The following SLC49A4 variants were observed in gnomAD, a reference collection of about 807,000 sequenced individuals.
SLC49A4 encodes solute carrier family 49 member 4.
In SLC49A4, 36 loss-of-function variants were observed where a neutral mutation model predicts 50.6. That is an observed-to-expected ratio of 0.71 (90% CI 0.55 to 0.94). SLC49A4 has a LOEUF of 0.94. Among genes scored for constraint, SLC49A4 ranks in the 40% least tolerant of loss-of-function variants. The pLI, the probability that SLC49A4 is intolerant of heterozygous loss-of-function variation, is 0.00. For synonymous variants in SLC49A4, 248 were observed against 241.2 expected (o/e 1.03, Z -0.26); for missense variants, 503 against 605.7 (o/e 0.83, Z 1.78).
At chr3:122,810,706 A>G (rs549909020) in intron 2 of SLC49A4, among the ~76,000 whole-genome samples, 72 of 152,374 alleles carry the variant, frequency 4.7e-4, no homozygotes, top group African/African-American at 1.6e-3. Flanking sequence ...TAATATTAAC[A>G]ATACTTAATG....
intron 5 of SLC49A4, among the ~76,000 whole-genome samples, chr3:122,850,502 TTTGAG>T: frequency 6.7e-6 from 1 of 148,300 alleles, no homozygotes; most frequent in South Asian, 2.2e-4. Flanking sequence ...TTTAATCCAT[TTTGAG>T]TTGATTTTTT....
rs1936680521 is a variant in SLC49A4, at chr3:122,836,091, G to C, written c.833+2645G>C. ...CAATAACTACAAAACACTGCTGAAA[G>C]AAATCATAGATGCCCATTCAGTGTG... is the stretch of plus-strand genomic sequence containing the variant. On this transcript the variant is annotated intron_variant, in intron 4 of 8. Transcript: ENST00000261038. 4.6e-5 allele frequency among the ~76,000 whole-genome samples: 7 copies of C among 152,202 alleles called. No homozygotes were observed. In the South Asian group the frequency reaches 1.5e-3, roughly 32 times the overall value.
rs558908137 is a variant in SLC49A4, at chr3:122,865,287, A to G, written c.1138+5085A>G. On this transcript the variant is annotated intron_variant, in intron 7 of 8. Coordinates refer to ENST00000261038, the MANE Select transcript of SLC49A4 (RefSeq NM_032839.3). ...TCCATGGAGATTTTCAAGAAGAGAA[A>G]TAAGTCTTGCAGCAGATTCTGTGTT... 1.5e-4 allele frequency among the ~76,000 whole-genome samples: 23 copies of G among 152,340 alleles called. No homozygotes were observed. The East Asian group carries it at 3.1e-3, about 20-fold the overall frequency.
intron 7 of SLC49A4, among the ~76,000 whole-genome samples, chr3:122,861,321 G>T (rs1937056025): frequency 6.6e-6 from 1 of 152,138 alleles, no homozygotes; most frequent in Admixed American, 6.5e-5. Context: ...AAATTACTAT[G>T]ACAGATTATT....
At chr3:122,865,336 A>G (rs1288939638) in intron 7 of SLC49A4, among the ~76,000 whole-genome samples, 1 of 152,238 alleles carries the variant, frequency 6.6e-6, no homozygotes, top group African/African-American at 2.4e-5. Context: ...GGGCTTGACT[A>G]GGTATCAGTG....
intron 2 of SLC49A4, among the ~76,000 whole-genome samples, chr3:122,822,651 C>T (rs1460102603): frequency 6.6e-6 from 1 of 152,152 alleles, no homozygotes; most frequent in African/African-American, 2.4e-5. Flanking sequence ...TCTTGGAACT[C>T]GTCTCTCTTT....
intron 1 of SLC49A4, among the ~76,000 whole-genome samples, chr3:122,804,056 A>T (rs1297427098): frequency 1.3e-5 from 2 of 152,172 alleles, no homozygotes; most frequent in African/African-American, 4.8e-5. Context: ...GGTAATGTGT[A>T]AAGAAAAGAG....
Position 122,795,402 on chromosome 3 carries a change from C to T in SLC49A4, c.210C>T (p.Asn70=), listed in dbSNP as rs770362081. ...LLAFVQGLVW[N]TWGPIQNSAR... ...CGTTCGTTCAGGGCCTGGTCTGGAA[C>T]ACCTGGGGTCCCATCCAGAACTCGG... is the stretch of plus-strand genomic sequence containing the variant. Residue 70 remains asparagine (N), a synonymous_variant, in exon 1 of 9, where the codon AAC becomes AAT. Coordinates refer to ENST00000261038, the MANE Select transcript of SLC49A4 (RefSeq NM_032839.3). 1.9e-6 allele frequency: 3 copies of T among 1,606,898 alleles called. No homozygotes were observed. The highest frequency in any genetic ancestry group is 1.7e-6 in the Non-Finnish European group (2 of 1,178,796).
intron 7 of SLC49A4, among the ~76,000 whole-genome samples, chr3:122,864,639 A>G (rs1184355794): frequency 1.3e-5 from 2 of 152,232 alleles, no homozygotes; most frequent in Admixed American, 6.5e-5. Flanking sequence ...CTAGCTAGAC[A>G]GAAGCCCCCA....
intron 2 of SLC49A4, among the ~76,000 whole-genome samples, chr3:122,813,668 G>T (rs182073132): frequency 2.0e-5 from 3 of 151,964 alleles, no homozygotes; most frequent in South Asian, 2.1e-4. Context: ...TTTCTTTTCC[G>T]CTTAATACCA....
intron 8 of SLC49A4, among the ~76,000 whole-genome samples, chr3:122,873,791 T>C (rs1937225971): frequency 6.6e-6 from 1 of 152,198 alleles, no homozygotes; most frequent in African/African-American, 2.4e-5. Context: ...GTTCTTTGCT[T>C]CCAATTAGTT....
intron 8 of SLC49A4, 75 bp downstream of exon 8, chr3:122,872,672 T>C (rs989979466): frequency 2.4e-5 from 25 of 1,060,966 alleles, no homozygotes; most frequent in Non-Finnish European, 3.3e-5. Flanking sequence ...TATAGAAGTT[T>C]TTATATGGAG....
intron 8 of SLC49A4, among the ~76,000 whole-genome samples, chr3:122,877,002 G>A (rs1227014310): frequency 6.6e-6 from 1 of 152,180 alleles, no homozygotes; most frequent in Admixed American, 6.5e-5. Flanking sequence ...AAGGCAAAGG[G>A]AAGGAGTATT....
intron 7 of SLC49A4, among the ~76,000 whole-genome samples, chr3:122,863,346 C>G (rs754802037): frequency 6.6e-6 from 1 of 152,200 alleles, no homozygotes; most frequent in African/African-American, 2.4e-5. Flanking sequence ...GAACCTAGCA[C>G]AGGCCCTGAA....
At position 122,879,809 on chromosome 3, in the gene SLC49A4, A is replaced by T. The variant is rs1937311769; in HGVS notation, c.*431A>T. On this transcript the variant is annotated 3_prime_UTR_variant, in exon 9 of 9. Transcript: ENST00000261038. ...ATGCCACTAACTTCTAAAGAAGTTC[A>T]AACCCTGTATCCAATTTTAATGATA... is the stretch of plus-strand genomic sequence containing the variant. 6.5e-6 allele frequency: 1 copy of T among 153,860 alleles called. No individual in the cohort carries two copies. Among genetic ancestry groups the T allele is most frequent in the Admixed American group, 6.5e-5 (1 of 15,388 alleles). The allele number at this position is 153,860 out of a possible 1,614,324, so 9.5% of individuals were successfully genotyped here. A position where few individuals can be genotyped will look rare whatever the true frequency, so the allele number is the denominator to read the frequency against.
chr3:122,879,188 T>C, intron 8 of SLC49A4, 75 bp from the exon 9 acceptor site: 2 of 1,059,786 alleles, frequency 1.9e-6, no homozygotes, highest in Non-Finnish European at 2.9e-6. Context: ...GCAGAGCAGA[T>C]TCCTTCCGGC....
In SLC49A4 at chr3:122,845,858, C is replaced by T. The variant is rs987237654; in HGVS notation, c.929C>T (p.Ala310Val). The change falls in exon 5 of 9, where the codon GCG becomes GTG. Residue 310 changes from alanine to valine, a missense_variant. Transcript: ENST00000261038. ...GTTCTGGACTTAATTTTAACACCAG[C>T]GCATGTCAGCCAAGTAAGTATTTTA... ...SGVLDLILTP[A>V]HVSQVDAGWI... The T allele has an allele frequency of 6.8e-6, 11 of 1,606,932 alleles. No homozygotes were observed. Among genetic ancestry groups the T allele is most frequent in the East Asian group, 6.7e-5 (3 of 44,682 alleles).
intron 1 of SLC49A4, among the ~76,000 whole-genome samples, chr3:122,803,298 A>G (rs534091755): frequency 6.6e-6 from 1 of 152,250 alleles, no homozygotes; most frequent in Non-Finnish European, 1.5e-5. Flanking sequence ...AAGAAGGTAG[A>G]GAGAATGTTT....
At chr3:122,862,646 A>G (rs1937071229) in intron 7 of SLC49A4, among the ~76,000 whole-genome samples, 1 of 152,220 alleles carries the variant, frequency 6.6e-6, no homozygotes, top group African/African-American at 2.4e-5. Context: ...TTTGTGTGTG[A>G]TACTGTATGT....
Sources: gnomAD v4.1 joint callset for allele counts (sites outside exome capture counted in the v4.1 genomes callset) on GRCh38, gnomAD v4.1.1 for gene constraint, MANE v1.5 for transcripts, NCBI Gene and HGNC (gene_info 2026-07-23, HGNC 2026-07-21) for gene names.